CHL1: variants seen among roughly 807,000 people sequenced by gnomAD.
CHL1 encodes neural cell adhesion molecule L1-like protein.
CHL1 carries 96 observed loss-of-function variants against 141.9 expected under a neutral mutation model. That is an observed-to-expected ratio of 0.68 (90% confidence interval 0.57 to 0.80). The LOEUF (loss-of-function observed/expected upper bound fraction) is 0.80, where lower values mean the gene tolerates loss of function less well. Ranked by LOEUF, CHL1 falls within the 30% of genes least tolerant of loss-of-function variation. The probability of loss-of-function intolerance (pLI) is 0.00; values close to 1 mark genes in which losing one functional copy is unlikely to be tolerated. For missense variants in CHL1, 1,820 were observed against 1,457.2 expected (o/e 1.25, Z -4.05); for synonymous variants, 613 against 502.2 (o/e 1.22, Z -2.95).
chr3:343,553 A>G (rs1456223475), intron 8 of CHL1, among the ~76,000 whole-genome samples: 1 of 152,182 alleles, frequency 6.6e-6, no homozygotes, highest in East Asian at 1.9e-4. Context: ...TTTCCCCCAT[A>G]GAACGTCTAC....
intron 1 of CHL1, among the ~76,000 whole-genome samples, chr3:241,439 G>C (rs1448215575): frequency 2.0e-5 from 3 of 152,180 alleles, no homozygotes; most frequent in Non-Finnish European, 4.4e-5. Context: ...CAGAAAACAA[G>C]TGACCCTGAC....
chr3:239,523 G>C (rs1180336688), intron 1 of CHL1, among the ~76,000 whole-genome samples: 1 of 151,240 alleles, frequency 6.6e-6, no homozygotes, highest in East Asian at 1.9e-4. Flanking sequence ...AAGGAACTAT[G>C]AATACTACTA....
chr3:393,094 G>T (rs138274802), intron 23 of CHL1, among the ~76,000 whole-genome samples: 1 of 152,038 alleles, frequency 6.6e-6, no homozygotes, highest in African/African-American at 2.4e-5. Context: ...TTATCCAGGC[G>T]TGGTGGTGGG....
intron 2 of CHL1, among the ~76,000 whole-genome samples, chr3:293,740 GATAC>G (rs1697924943): frequency 6.6e-6 from 1 of 151,910 alleles, no homozygotes; most frequent in South Asian, 2.1e-4. Context: ...AGACATATTG[GATAC>G]ATTTACTTAT....
intron 2 of CHL1, among the ~76,000 whole-genome samples, chr3:279,540 G>C (rs1696450193): frequency 6.6e-6 from 1 of 151,764 alleles, no homozygotes; most frequent in Non-Finnish European, 1.5e-5. Flanking sequence ...AATCTGGACT[G>C]GTTGCTTTGA....
chr3:377,809 T>C lies in CHL1; in HGVS notation c.1752-9T>C. 1 of 1,598,650 alleles carries C rather than the reference T, an allele frequency of 6.3e-7. No homozygotes were observed. The highest frequency in any genetic ancestry group is 8.5e-7 in the Non-Finnish European group (1 of 1,170,904). On this transcript the variant is annotated splice_polypyrimidine_tract_variant and intron_variant, in intron 15 of 27. Transcript: ENST00000256509. The stretch of plus-strand genomic sequence containing the variant: ...CCTTCTCATCATGTACTCACTTTTT[T>C]TCTGATAGGATAATTATTGATGGAG...
At chr3:324,621 A>ATTTT (rs536670204) in intron 3 of CHL1, among the ~76,000 whole-genome samples, 2,075 of 133,470 alleles carry the variant, frequency 0.016, 47 homozygotes, top group African/African-American at 0.051. Flanking sequence ...TTATTTATTT[A>ATTTT]TTTATTTATT....
intron 2 of CHL1, among the ~76,000 whole-genome samples, chr3:300,487 G>A (rs1168777505): frequency 6.6e-6 from 1 of 152,068 alleles, no homozygotes; most frequent in Non-Finnish European, 1.5e-5. Context: ...GGCACAATGT[G>A]GTTAAGCTAT....
At chr3:309,740 C>T (rs1699596779) in intron 2 of CHL1, among the ~76,000 whole-genome samples, 1 of 152,116 alleles carries the variant, frequency 6.6e-6, no homozygotes, top group Admixed American at 6.5e-5. Context: ...GTCTTGAACT[C>T]CTGGCCTTAG....
Position 197,971 on chromosome 3 carries a change from G to T in CHL1, c.-175+908G>T, listed in dbSNP as rs552748967. On this transcript the variant is annotated intron_variant, in intron 1 of 27. Transcript: ENST00000256509. Reference sequence around the variant, plus strand: ...GATTGGAGCCGGGAGGCTGGGGAAAGCCAGCCCCTCCGTTCCCACTCTCCG... The same window carrying T: ...GATTGGAGCCGGGAGGCTGGGGAAATCCAGCCCCTCCGTTCCCACTCTCCG... The T allele has an allele frequency of 9.2e-4, 338 of 367,634 alleles. 1 individual carries two copies. The highest frequency in any genetic ancestry group is 1.4e-3 in the Non-Finnish European group (253 of 184,430). 22.8% of individuals were successfully genotyped at this position (367,634 alleles called of 1,614,324 possible). A position where few individuals can be genotyped will look rare whatever the true frequency, so the allele number is the denominator to read the frequency against.
intron 16 of CHL1, among the ~76,000 whole-genome samples, chr3:379,383 T>G (rs1706744324): frequency 6.6e-6 from 1 of 152,118 alleles, no homozygotes; most frequent in Non-Finnish European, 1.5e-5. Flanking sequence ...TGTTTGGCCA[T>G]TGGGTATTTG....
chr3:323,553 A>G (rs1323481252), intron 3 of CHL1, among the ~76,000 whole-genome samples: 1 of 152,112 alleles, frequency 6.6e-6, no homozygotes, highest in African/African-American at 2.4e-5. Flanking sequence ...TGAATGTTTA[A>G]AAAACTACAC....
intron 3 of CHL1, among the ~76,000 whole-genome samples, chr3:324,776 A>G (rs1056365365): frequency 2.6e-5 from 4 of 151,830 alleles, no homozygotes; most frequent in African/African-American, 9.7e-5. Flanking sequence ...TTTTGTAGGG[A>G]TAAGAGTCTC....
At chr3:219,709 G>C (rs989924896) in intron 1 of CHL1, among the ~76,000 whole-genome samples, 8 of 152,194 alleles carry the variant, frequency 5.3e-5, no homozygotes, top group Non-Finnish European at 1.5e-5. Flanking sequence ...GTGGAGGGTG[G>C]GAGGAGGGAG....
chr3:198,529 G>A (rs1698615369), intron 1 of CHL1, among the ~76,000 whole-genome samples: 3 of 152,214 alleles, frequency 2.0e-5, no homozygotes, highest in African/African-American at 7.2e-5. Context: ...TTAACTACGT[G>A]CCTCAGTTTC....
intron 2 of CHL1, among the ~76,000 whole-genome samples, chr3:307,894 G>T (rs1330659194): frequency 6.6e-6 from 1 of 152,152 alleles, no homozygotes; most frequent in Non-Finnish European, 1.5e-5. Flanking sequence ...CACAGCCTAT[G>T]CTAAAGTATT....
At chr3:224,816 A>G (rs1701172980) in intron 1 of CHL1, among the ~76,000 whole-genome samples, 1 of 152,212 alleles carries the variant, frequency 6.6e-6, no homozygotes, top group Non-Finnish European at 1.5e-5. Context: ...AGGGTTTGCT[A>G]GGATAGAAAA....
chr3:368,409 T>C (rs1054896468), intron 15 of CHL1, among the ~76,000 whole-genome samples: 2 of 152,230 alleles, frequency 1.3e-5, no homozygotes, highest in Non-Finnish European at 2.9e-5. Context: ...TTGAGAAGTG[T>C]CTGTTCATAT....
At position 398,224 on chromosome 3, in the gene CHL1, T is replaced by C. The variant is rs751859432; in HGVS notation, c.3095-3T>C. On this transcript the variant is annotated splice_polypyrimidine_tract_variant and splice_region_variant and intron_variant, in intron 24 of 27. Coordinates refer to ENST00000256509, the MANE Select transcript of CHL1 (RefSeq NM_006614.4). ...ACATGATTTAACTGTGTACATTTCT[T>C]AGGTAAAGGTATCGGGAAGATATCA... 6.3e-7 allele frequency: 1 copy of C among 1,580,540 alleles called. No individual in the cohort carries two copies. The highest frequency in any genetic ancestry group is 1.4e-5 in the African/African-American group (1 of 73,996).
Sources: gnomAD v4.1 joint callset for allele counts (sites outside exome capture counted in the v4.1 genomes callset) on GRCh38, gnomAD v4.1.1 for gene constraint, MANE v1.5 for transcripts, NCBI Gene and HGNC (gene_info 2026-07-23, HGNC 2026-07-21) for gene names.